Variants in RORA observed in about 807,000 individuals in gnomAD.
RORA encodes RAR related orphan receptor A, also known as nuclear receptor ROR-alpha.
In RORA, 7 loss-of-function variants were observed where a neutral mutation model predicts 69.5. The observed-to-expected ratio is 0.10, with a 90% confidence interval of 0.06 to 0.19. The LOEUF (loss-of-function observed/expected upper bound fraction) is 0.19. Among genes scored for constraint, RORA ranks in the 10% least tolerant of loss-of-function variants. RORA has a pLI of 1.00. For synonymous variants in RORA, 261 were observed against 240.8 expected, an observed-to-expected ratio of 1.08 and a Z score of -0.78; for missense variants, 457 against 663.0, an observed-to-expected ratio of 0.69 and a Z score of 3.41.
chr15:61,132,411 A>G (rs1338572147), intron 1 of RORA, among the ~76,000 whole-genome samples: 1 of 152,218 alleles, frequency 6.6e-6, no homozygotes, highest in Non-Finnish European at 1.5e-5. Context: ...TTTTCACGGT[A>G]AAGTATAATT....
rs918109075 is a variant in RORA, at chr15:60,538,238, A to G, written c.197-6387T>C. Among the ~76,000 whole-genome samples the G allele has an allele frequency of 1.3e-4, 20 of 152,188 alleles. 1 individual carries two copies. The highest frequency in any genetic ancestry group is 4.6e-4 in the African/African-American group (19 of 41,442). On this transcript the variant is annotated intron_variant, in intron 2 of 10. Coordinates refer to ENST00000335670, the MANE Select transcript of RORA (RefSeq NM_134261.3). ...ACCAAAAAGAAAGCACTGGGAGTCA[A>G]TTCAGCTAAGAGGTGGAGTTGGCCC...
At chr15:60,544,470 C>T (rs529957411) in intron 2 of RORA, among the ~76,000 whole-genome samples, 9 of 151,724 alleles carry the variant, frequency 5.9e-5, no homozygotes, top group Non-Finnish European at 1.2e-4. Flanking sequence ...CGTGCTCTCC[C>T]TGCTTTTTTT....
chr15:60,906,564 G>T (rs1285522932), intron 1 of RORA, among the ~76,000 whole-genome samples: 1 of 152,194 alleles, frequency 6.6e-6, no homozygotes, highest in Non-Finnish European at 1.5e-5. Context: ...ATTGTTTGTA[G>T]TTTCTCTTCT....
chr15:60,851,130 T>C (rs894519066), intron 1 of RORA, among the ~76,000 whole-genome samples: 1 of 152,158 alleles, frequency 6.6e-6, no homozygotes, highest in Non-Finnish European at 1.5e-5. Flanking sequence ...GCACCACCGC[T>C]TGAGTCATCA....
intron 1 of RORA, among the ~76,000 whole-genome samples, chr15:60,780,133 T>C (rs1044170900): frequency 6.6e-6 from 1 of 152,062 alleles, no homozygotes; most frequent in African/African-American, 2.4e-5. Flanking sequence ...TAAAGATAAA[T>C]AGAGGGAGAG....
At chr15:60,639,057 T>G (rs12594561) in intron 2 of RORA, among the ~76,000 whole-genome samples, 96,885 of 151,944 alleles carry the variant, frequency 0.64, 31,636 homozygotes, top group East Asian at 0.82. Flanking sequence ...CCTCCTTCTC[T>G]AATTAGTCAC....
intron 2 of RORA, among the ~76,000 whole-genome samples, chr15:60,664,363 T>A (rs2070350729): frequency 6.6e-6 from 1 of 152,176 alleles, no homozygotes; most frequent in Non-Finnish European, 1.5e-5. Context: ...TCTACTTTGA[T>A]TGCACTTGGC....
At chr15:61,164,353 G>A (rs2079523595) in intron 1 of RORA, among the ~76,000 whole-genome samples, 1 of 152,150 alleles carries the variant, frequency 6.6e-6, no homozygotes, top group Non-Finnish European at 1.5e-5. Context: ...AGGCTTATTA[G>A]AAAGATTGGG....
chr15:60,890,811 A>G (rs1329893890), intron 1 of RORA, among the ~76,000 whole-genome samples: 1 of 152,252 alleles, frequency 6.6e-6, no homozygotes, highest in African/African-American at 2.4e-5. Context: ...AGGCAGAACA[A>G]TGCTTGCCGT....
intron 2 of RORA, among the ~76,000 whole-genome samples, chr15:60,562,786 A>G (rs1464337330): frequency 6.6e-6 from 1 of 152,062 alleles, no homozygotes; most frequent in African/African-American, 2.4e-5. Context: ...TATGTTGCCC[A>G]GGCTGCTCTC....
intron 1 of RORA, among the ~76,000 whole-genome samples, chr15:61,110,896 G>A (rs756490455): frequency 6.6e-6 from 1 of 152,176 alleles, no homozygotes; most frequent in South Asian, 2.1e-4. Context: ...CATGGATATG[G>A]CGCTCCTGGA....
At chr15:60,900,255 A>G (rs1891349578) in intron 1 of RORA, among the ~76,000 whole-genome samples, 1 of 145,024 alleles carries the variant, frequency 6.9e-6, no homozygotes, top group African/African-American at 2.5e-5. Context: ...AAAGGGAAGA[A>G]TTAAAATGTA....
chr15:60,663,699 C>T (rs2070338501), intron 2 of RORA, among the ~76,000 whole-genome samples: 1 of 152,230 alleles, frequency 6.6e-6, no homozygotes, highest in African/African-American at 2.4e-5. Context: ...AGGTGATTCA[C>T]CCACCTCAGC....
chr15:60,679,047 G>T (rs576229074), intron 1 of RORA, among the ~76,000 whole-genome samples: 18 of 152,262 alleles, frequency 1.2e-4, no homozygotes, highest in African/African-American at 4.1e-4. Flanking sequence ...AGAGAGCAAT[G>T]CCAGCCTACT....
chr15:60,982,897 T>G (rs758378043), intron 1 of RORA, among the ~76,000 whole-genome samples: 2 of 152,172 alleles, frequency 1.3e-5, no homozygotes, highest in Non-Finnish European at 2.9e-5. Flanking sequence ...ATTCCACCAT[T>G]TTCTCTGACA....
chr15:61,209,206 T>C (rs1427215824), intron 1 of RORA, among the ~76,000 whole-genome samples: 1 of 152,080 alleles, frequency 6.6e-6, no homozygotes. Context: ...AGATCTTTAT[T>C]TGCCACAAAA....
intron 1 of RORA, among the ~76,000 whole-genome samples, chr15:60,900,728 T>C (rs1306123279): frequency 6.6e-6 from 1 of 151,852 alleles, no homozygotes; most frequent in East Asian, 1.9e-4. Flanking sequence ...AAAAATTAGC[T>C]GGGAGTGGTG....
intron 1 of RORA, among the ~76,000 whole-genome samples, chr15:60,698,489 G>A (rs550753778): frequency 2.8e-4 from 43 of 152,214 alleles, no homozygotes; most frequent in Admixed American, 1.2e-3. Context: ...AATTTTAAAT[G>A]TTTTAATGGA....
intron 1 of RORA, among the ~76,000 whole-genome samples, chr15:61,022,706 A>G (rs1406239497): frequency 2.0e-5 from 3 of 152,188 alleles, no homozygotes; most frequent in African/African-American, 7.2e-5. Context: ...GAGTGTACAG[A>G]TTTAAGTAAA....
Sources: gnomAD v4.1 joint callset for allele counts (sites outside exome capture counted in the v4.1 genomes callset) on GRCh38, gnomAD v4.1.1 for gene constraint, MANE v1.5 for transcripts, NCBI Gene and HGNC (gene_info 2026-07-23, HGNC 2026-07-21) for gene names.